Variants in SRGAP3 observed in about 807,000 individuals in gnomAD.
The protein encoded by SRGAP3 is SLIT-ROBO Rho GTPase activating protein 3, also known as SLIT-ROBO Rho GTPase-activating protein 3.
A neutral mutation model predicts 121.1 loss-of-function variants in SRGAP3; 39 were observed. That is an observed-to-expected ratio of 0.32 (90% CI 0.25 to 0.42). The LOEUF (loss-of-function observed/expected upper bound fraction) is 0.42. Among genes scored for constraint, SRGAP3 ranks in the 10% least tolerant of loss-of-function variants. The pLI is 1.00. For synonymous variants in SRGAP3, 601 were observed against 570.0 expected, an observed-to-expected ratio of 1.05 and a Z score of -0.77; for missense variants, 1,213 against 1,470.6, an observed-to-expected ratio of 0.82 and a Z score of 2.86.
intron 3 of SRGAP3, among the ~76,000 whole-genome samples, chr3:9,304,355 T>C (rs1028168263): frequency 2.6e-5 from 4 of 152,206 alleles, no homozygotes; most frequent in African/African-American, 9.6e-5. Flanking sequence ...AGATTAGACT[T>C]TGGCTCCTTA....
chr3:9,188,123 A>G (rs890484820), intron 1 of SRGAP3, among the ~76,000 whole-genome samples: 1 of 152,214 alleles, frequency 6.6e-6, no homozygotes, highest in African/African-American at 2.4e-5. Context: ...GCATTTTTCT[A>G]TGTGTACATT....
intron 1 of SRGAP3, among the ~76,000 whole-genome samples, chr3:9,238,609 A>G (rs1157625184): frequency 2.0e-5 from 3 of 152,156 alleles, no homozygotes; most frequent in Non-Finnish European, 2.9e-5. Flanking sequence ...ACCCTGCCCA[A>G]CTCATCCCGA....
intron 1 of SRGAP3, among the ~76,000 whole-genome samples, chr3:9,332,042 G>C (rs1294180371): frequency 1.3e-5 from 2 of 152,306 alleles, no homozygotes; most frequent in African/African-American, 4.8e-5. Context: ...TCAAGTCATT[G>C]AGGTGCCTAT....
chr3:9,284,465 C>A (rs1194660898), intron 3 of SRGAP3, among the ~76,000 whole-genome samples: 6 of 152,202 alleles, frequency 3.9e-5, no homozygotes, highest in Non-Finnish European at 7.3e-5. Context: ...GCTTTAGCTA[C>A]CATTGCTTTT....
intron 1 of SRGAP3, among the ~76,000 whole-genome samples, chr3:9,191,245 A>T (rs1421392409): frequency 4.6e-5 from 7 of 152,226 alleles, no homozygotes; most frequent in Non-Finnish European, 1.0e-4. Flanking sequence ...GATTATAATG[A>T]TTCACACACG....
chr3:9,033,730 C>A (rs936113706), intron 11 of SRGAP3: 2 of 152,242 alleles, frequency 1.3e-5, no homozygotes, highest in African/African-American at 2.4e-5. Context: ...GCCTCAAGTA[C>A]ATTTTCAATT....
chr3:9,345,928 C>G (rs952583874), intron 1 of SRGAP3, among the ~76,000 whole-genome samples: 12 of 152,088 alleles, frequency 7.9e-5, no homozygotes, highest in Non-Finnish European at 1.5e-4. Context: ...CTGGATGAAC[C>G]AAGAAGAGAT....
intron 3 of SRGAP3, chr3:9,256,682 C>T (rs9831999): frequency 0.022 from 8,907 of 396,178 alleles, 662 homozygotes; most frequent in African/African-American, 0.16. Context: ...CCACTCCTCC[C>T]CAGGGGAGGA....
chr3:8,985,390 G>T lies in SRGAP3; in HGVS notation c.*129C>A. ...AGCGCCCGGGCCTCAGCTCTGCACA[G>T]ACACACCCTCCCAGACGGACCTCTG... On this transcript the variant is annotated 3_prime_UTR_variant, in exon 22 of 22. Coordinates refer to ENST00000383836, the MANE Select transcript of SRGAP3 (RefSeq NM_014850.4). This position sits in a 1 kb window ranked among gnomAD's most constrained non-coding sequence, Gnocchi z 5.1. The T allele has an allele frequency of 6.7e-7, 1 of 1,488,536 alleles. No individual in the cohort carries two copies. Among genetic ancestry groups the T allele is most frequent in the East Asian group, 2.4e-5 (1 of 41,098 alleles). The allele number at this position is 1,488,536 out of a possible 1,614,324, so 92.2% of individuals were successfully genotyped here. A position where few individuals can be genotyped will look rare whatever the true frequency, so the allele number is the denominator to read the frequency against.
Position 8,980,772 on chromosome 3 carries a change from G to A in SRGAP3, c.*4747C>T. 1 of 232,858 alleles carries A rather than the reference G, an allele frequency of 4.3e-6. No homozygotes were observed. The highest frequency in any genetic ancestry group is 8.5e-6 in the Non-Finnish European group (1 of 117,590). The allele number at this position is 232,858 out of a possible 1,614,324, so 14.4% of individuals were successfully genotyped here. ...ATCATCACGTGGGGACAGGCAACCA[G>A]CAATTTCCTAGGGTGGTTTTGGTCT... On this transcript the variant is annotated 3_prime_UTR_variant, in exon 22 of 22. Transcript: ENST00000383836.
At chr3:9,033,763 T>C (rs1046382908) in intron 11 of SRGAP3, 2 of 152,214 alleles carry the variant, frequency 1.3e-5, no homozygotes, top group Non-Finnish European at 2.9e-5. Flanking sequence ...AATCCATTAT[T>C]ATACTTAATA....
chr3:9,096,906 ATAGC>A (rs1947989353), intron 3 of SRGAP3, among the ~76,000 whole-genome samples: 1 of 138,738 alleles, frequency 7.2e-6, no homozygotes, highest in African/African-American at 2.6e-5. Flanking sequence ...ATTATATATA[ATAGC>A]TAATTATATA....
intron 3 of SRGAP3, among the ~76,000 whole-genome samples, chr3:9,290,424 A>T (rs890755865): frequency 1.5e-4 from 23 of 152,256 alleles, no homozygotes; most frequent in Non-Finnish European, 2.8e-4. Context: ...GGACAGCAAG[A>T]TTGGAGCTGG....
intron 7 of SRGAP3, 71 bp from the exon 8 acceptor site, chr3:9,056,405 C>G (rs1945825343): frequency 6.8e-7 from 1 of 1,479,968 alleles, no homozygotes; most frequent in Non-Finnish European, 9.3e-7. Flanking sequence ...AGGGCAGGGG[C>G]TACCATTAAC....
At chr3:9,163,555 G>A (rs1392469240) in intron 1 of SRGAP3, among the ~76,000 whole-genome samples, 1 of 152,214 alleles carries the variant, frequency 6.6e-6, no homozygotes, top group Non-Finnish European at 1.5e-5. Context: ...GGCCACTCAG[G>A]CCCAGCTAGA....
intron 1 of SRGAP3, among the ~76,000 whole-genome samples, chr3:9,142,376 A>G (rs1340688118): frequency 2.0e-5 from 3 of 152,178 alleles, no homozygotes; most frequent in African/African-American, 7.2e-5. Flanking sequence ...AAAAGCTTAT[A>G]TCTCCCTTTG....
At chr3:9,089,150 A>G (rs112217307) in intron 3 of SRGAP3, among the ~76,000 whole-genome samples, 5,636 of 152,048 alleles carry the variant, frequency 0.037, 343 homozygotes, top group African/African-American at 0.13. Flanking sequence ...AAGCCTCCCA[A>G]AGTGCTGGGA....
chr3:9,124,771 C>G lies in SRGAP3; in HGVS notation c.214G>C (p.Glu72Gln). The G allele has an allele frequency of 6.2e-7, 1 of 1,614,208 alleles. No homozygotes were observed. The highest frequency in any genetic ancestry group is 8.5e-7 in the Non-Finnish European group (1 of 1,180,050). ...CTGCGGATTTTGGAGGAGAAGCGCT[C>G]AGCCAGCTTCTCCAGGCTGCGGGAG... ...EYSRSLEKLA[E>Q]RFSSKIRSSR... Residue 72 changes from glutamate to glutamine, a missense_variant, in exon 2 of 22, where the codon GAG becomes CAG. By Grantham distance (29) the Glu-to-Gln change is conservative (BLOSUM62 2). Coordinates refer to ENST00000383836, the MANE Select transcript of SRGAP3 (RefSeq NM_014850.4).
chr3:9,017,927 T>C (rs71314321), intron 14 of SRGAP3, among the ~76,000 whole-genome samples: 34,662 of 151,988 alleles, frequency 0.23, 4,064 homozygotes, highest in Non-Finnish European at 0.25. Context: ...CGTCACCCTA[T>C]TCTACTACCA....
Sources: allele counts gnomAD v4.1 joint callset (sites outside exome capture counted in the v4.1 genomes callset), GRCh38; gene constraint gnomAD v4.1.1; non-coding constraint Gnocchi (gnomAD v3.1); transcripts MANE v1.5; gene names NCBI Gene and HGNC (gene_info 2026-07-23, HGNC 2026-07-21).